The following JAZF1 variants were observed in gnomAD, a reference collection of about 807,000 sequenced individuals.
JAZF1 encodes the protein juxtaposed with another zinc finger protein 1.
JAZF1 carries 8 observed loss-of-function variants against 26.4 expected under a neutral mutation model. The ratio of observed to expected loss-of-function variants is 0.30; its 90% CI spans 0.18 to 0.55. The LOEUF is 0.55. Ranked by LOEUF, JAZF1 falls within the 20% of genes least tolerant of loss-of-function variation. The pLI, the probability that JAZF1 is intolerant of heterozygous loss-of-function variation, is 0.94. For missense variants in JAZF1, 199 were observed against 322.0 expected, an observed-to-expected ratio of 0.62 and a Z score of 2.92; for synonymous variants, 126 against 122.3, an observed-to-expected ratio of 1.03 and a Z score of -0.20.
chr7:27,832,179 CA>C lies in JAZF1; in HGVS notation c.*620del. ...GCAAGATTTTCAGCTTTTTAAAGGGCAAAAGGATTTGCAAGATAATATAAAA... is the reference window on the plus strand; with the variant it reads ...GCAAGATTTTCAGCTTTTTAAAGGGCAAAGGATTTGCAAGATAATATAAAA... On this transcript the variant is annotated 3_prime_UTR_variant, in exon 5 of 5. Transcript: ENST00000283928. 4.7e-6 allele frequency: 1 copy of C among 211,632 alleles called. No homozygotes were observed. Among genetic ancestry groups the C allele is most frequent in the African/African-American group, 2.3e-5 (1 of 44,110 alleles). The allele number at this position is 211,632 out of a possible 1,614,324, so 13.1% of individuals were successfully genotyped here.
At chr7:28,047,157 A>T (rs1783510468) in intron 1 of JAZF1, among the ~76,000 whole-genome samples, 1 of 152,148 alleles carries the variant, frequency 6.6e-6, no homozygotes, top group African/African-American at 2.4e-5. Context: ...TATATATTAA[A>T]TATCCCATCT....
At chr7:28,128,907 T>G (rs980210414) in intron 1 of JAZF1, among the ~76,000 whole-genome samples, 2 of 152,166 alleles carry the variant, frequency 1.3e-5, no homozygotes, top group African/African-American at 4.8e-5. Context: ...GCTGATTTAG[T>G]GATTTCTTAA....
At chr7:28,051,723 A>G (rs1276809754) in intron 1 of JAZF1, among the ~76,000 whole-genome samples, 3 of 152,168 alleles carry the variant, frequency 2.0e-5, no homozygotes, top group Non-Finnish European at 2.9e-5. Context: ...CAAACTCCCT[A>G]CAAAGGTCAG....
At chr7:28,029,461 C>G (rs1783148847) in intron 1 of JAZF1, among the ~76,000 whole-genome samples, 1 of 152,198 alleles carries the variant, frequency 6.6e-6, no homozygotes, top group Non-Finnish European at 1.5e-5. Context: ...CAATCAAGCA[C>G]AGGCAACAGA....
At chr7:28,001,385 A>C (rs1786157725) in intron 1 of JAZF1, among the ~76,000 whole-genome samples, 1 of 151,356 alleles carries the variant, frequency 6.6e-6, no homozygotes. Flanking sequence ...CAAAACAAAA[A>C]ACCTAAACAA....
intron 1 of JAZF1, among the ~76,000 whole-genome samples, chr7:28,132,323 G>A (rs1782808088): frequency 6.6e-6 from 1 of 152,108 alleles, no homozygotes; most frequent in Non-Finnish European, 1.5e-5. Flanking sequence ...TCATGTTCCA[G>A]AACCAGAACT....
chr7:27,971,541 T>G (rs1282567945), intron 2 of JAZF1, among the ~76,000 whole-genome samples: 1 of 152,140 alleles, frequency 6.6e-6, no homozygotes, highest in Non-Finnish European at 1.5e-5. Context: ...AATTAAGTAA[T>G]GTTTCAACTC....
At chr7:27,904,690 C>T (rs1176165291) in intron 2 of JAZF1, among the ~76,000 whole-genome samples, 1 of 151,988 alleles carries the variant, frequency 6.6e-6, no homozygotes, top group African/African-American at 2.4e-5. Flanking sequence ...CCCCTTTTAA[C>T]ATGCTATTAA....
intron 3 of JAZF1, among the ~76,000 whole-genome samples, chr7:27,851,131 C>G (rs28498780): frequency 1.3e-5 from 2 of 152,096 alleles, no homozygotes; most frequent in Non-Finnish European, 2.9e-5. Flanking sequence ...TTAGTAGAGA[C>G]AGGGTTTCAC....
intron 1 of JAZF1, among the ~76,000 whole-genome samples, chr7:28,043,567 T>C (rs1024022327): frequency 6.6e-6 from 1 of 152,158 alleles, no homozygotes; most frequent in African/African-American, 2.4e-5. Context: ...ACACAGCCAT[T>C]GTAGAAAACT....
intron 2 of JAZF1, among the ~76,000 whole-genome samples, chr7:27,973,286 G>A (rs1159669579): frequency 6.6e-6 from 1 of 151,846 alleles, no homozygotes; most frequent in Admixed American, 6.6e-5. Flanking sequence ...AGGCTGGAGT[G>A]TGTGTGTGTG....
intron 1 of JAZF1, among the ~76,000 whole-genome samples, chr7:28,085,632 A>C (rs886298814): frequency 1.3e-5 from 2 of 152,192 alleles, no homozygotes; most frequent in Non-Finnish European, 1.5e-5. Context: ...GGAAGTGTTG[A>C]CATCATGTTA....
chr7:28,000,622 C>CTTTTT lies in JAZF1; in HGVS notation c.116-8646_116-8642dup, dbSNP rs1190147547. Reference sequence around the variant, plus strand: ...TTTTTCTTTCTTTCTTTCTTTCTTTCTTTTTTTTTTTTTTTTTTGAGACAA... The same window carrying CTTTTT: ...TTTTTCTTTCTTTCTTTCTTTCTTTCTTTTTTTTTTTTTTTTTTTTTTTGAGACAA... On this transcript the variant is annotated intron_variant, in intron 1 of 4. Transcript: ENST00000283928. 2.9e-4 allele frequency among the ~76,000 whole-genome samples: 18 copies of CTTTTT among 62,074 alleles called. 1 individual carries two copies. Among genetic ancestry groups the CTTTTT allele is most frequent in the African/African-American group, 6.9e-4 (17 of 24,514 alleles). The allele number at this position is 62,074 out of a possible 152,430, so 40.7% of individuals were successfully genotyped here.
chr7:27,839,193 G>A (rs1782876687), intron 4 of JAZF1, among the ~76,000 whole-genome samples: 1 of 152,202 alleles, frequency 6.6e-6, no homozygotes, highest in African/African-American at 2.4e-5. Flanking sequence ...TGGCGGGTCA[G>A]CCGAGTACAG....
chr7:28,003,227 GA>G (rs149288537), intron 1 of JAZF1, among the ~76,000 whole-genome samples: 28 of 146,100 alleles, frequency 1.9e-4, no homozygotes, highest in East Asian at 1.0e-3. Context: ...GGATTTAAAA[GA>G]AAAAAAAAAC....
At position 28,047,166 on chromosome 7, in the gene JAZF1, C is replaced by A. The variant is rs114680393; in HGVS notation, c.116-55185G>T. ...CAACACTATATATTAAATATCCCAT[C>A]TATTCTGAGTTGAAAGTTACCTTTA... On this transcript the variant is annotated intron_variant, in intron 1 of 4. Transcript: ENST00000283928. 2.2e-3 allele frequency among the ~76,000 whole-genome samples: 330 copies of A among 152,246 alleles called. 1 individual carries two copies. Among genetic ancestry groups the A allele is most frequent in the African/African-American group, 7.6e-3 (315 of 41,574 alleles).
At position 27,999,635 on chromosome 7, in the gene JAZF1, T is replaced by C. The variant is rs558790337; in HGVS notation, c.116-7654A>G. Among the ~76,000 whole-genome samples, 15 of 152,346 alleles carry C rather than the reference T, an allele frequency of 9.8e-5. No homozygotes were observed. The South Asian group carries it at 2.1e-3, about 21-fold the overall frequency. ...TGTACCATATATATTTGCAAATATG[T>C]CTTATCAGCCCATTAAAATGGAAGC... is the stretch of plus-strand genomic sequence containing the variant. On this transcript the variant is annotated intron_variant, in intron 1 of 4. Coordinates refer to ENST00000283928, the MANE Select transcript of JAZF1 (RefSeq NM_175061.4).
chr7:28,033,750 T>G (rs1239239560), intron 1 of JAZF1, among the ~76,000 whole-genome samples: 1 of 152,044 alleles, frequency 6.6e-6, no homozygotes, highest in Admixed American at 6.6e-5. Context: ...AACTCTTTTT[T>G]GGGGGGGCAA....
intron 1 of JAZF1, among the ~76,000 whole-genome samples, chr7:28,093,786 C>T (rs1320730654): frequency 1.3e-5 from 2 of 152,230 alleles, no homozygotes; most frequent in Non-Finnish European, 2.9e-5. Context: ...CCTGCAGATG[C>T]TTGTCCACTG....
Sources: allele counts gnomAD v4.1 joint callset (sites outside exome capture counted in the v4.1 genomes callset), GRCh38; gene constraint gnomAD v4.1.1; transcripts MANE v1.5; gene names NCBI Gene and HGNC (gene_info 2026-07-23, HGNC 2026-07-21).